DCAF6: variants seen among roughly 807,000 people sequenced by gnomAD.
DCAF6 encodes DDB1- and CUL4-associated factor 6.
A neutral mutation model predicts 125.1 loss-of-function variants in DCAF6; 54 were observed. The observed-to-expected ratio is 0.43, with a 90% CI of 0.35 to 0.54. The LOEUF is 0.54. Among genes scored for constraint, DCAF6 ranks in the 20% least tolerant of loss-of-function variants. The pLI is 0.01. For missense variants in DCAF6, 934 were observed against 1,161.7 expected, an observed-to-expected ratio of 0.80 and a Z score of 2.85; for synonymous variants, 371 against 390.4, an observed-to-expected ratio of 0.95 and a Z score of 0.58.
At chr1:167,946,945 T>A (rs1673173190) in intron 1 of DCAF6, among the ~76,000 whole-genome samples, 1 of 152,194 alleles carries the variant, frequency 6.6e-6, no homozygotes, top group Non-Finnish European at 1.5e-5. Context: ...TCAGGAGTAT[T>A]GATATTACTT....
the DCAF6 span, among the ~76,000 whole-genome samples, chr1:167,890,923 A>G: frequency 6.6e-6 from 1 of 152,116 alleles, no homozygotes. Flanking sequence ...TAGAATCCAA[A>G]TCTCCAGACT....
intron 1 of DCAF6, among the ~76,000 whole-genome samples, chr1:167,948,633 A>G (rs762006375): frequency 5.9e-5 from 9 of 152,128 alleles, no homozygotes; most frequent in Non-Finnish European, 1.3e-4. Flanking sequence ...TTGTCATTGA[A>G]ATACATTCAC....
chr1:167,916,761 TATGTC>T, the DCAF6 span: 1 of 152,178 alleles, frequency 6.6e-6, no homozygotes, highest in Non-Finnish European at 1.5e-5. Flanking sequence ...TTTTTGTGTC[TATGTC>T]ATATTTCATA....
At chr1:167,906,568 G>C in the DCAF6 span, among the ~76,000 whole-genome samples, 1 of 150,376 alleles carries the variant, frequency 6.6e-6, no homozygotes, top group Non-Finnish European at 1.5e-5. Flanking sequence ...CAGGAGTATT[G>C]CTTGAGCCCG....
At chr1:168,016,806 C>G (rs1685037834) in intron 11 of DCAF6, among the ~76,000 whole-genome samples, 1 of 152,000 alleles carries the variant, frequency 6.6e-6, no homozygotes, top group South Asian at 2.1e-4. Context: ...ACAAGAATGT[C>G]TAGGTTCTCA....
intron 18 of DCAF6, 23 bp downstream of exon 18, chr1:168,063,782 T>C: frequency 6.3e-7 from 1 of 1,591,634 alleles, no homozygotes; most frequent in Non-Finnish European, 8.5e-7. Flanking sequence ...CATGGCATTT[T>C]TTGGTGAAAT....
chr1:168,035,918 C>G (rs984621963), intron 12 of DCAF6, among the ~76,000 whole-genome samples: 2 of 151,914 alleles, frequency 1.3e-5, no homozygotes, highest in Non-Finnish European at 2.9e-5. Context: ...AAAAATTAGC[C>G]AAGTGTGGTG....
intron 2 of DCAF6, among the ~76,000 whole-genome samples, chr1:167,956,477 G>A (rs1388819940): frequency 1.3e-5 from 2 of 152,002 alleles, no homozygotes; most frequent in East Asian, 3.9e-4. Flanking sequence ...TTTGGCTAGA[G>A]GCTTGTTAAT....
At chr1:167,887,646 G>A in the DCAF6 span, among the ~76,000 whole-genome samples, 19 of 151,554 alleles carry the variant, frequency 1.3e-4, no homozygotes, top group Non-Finnish European at 1.8e-4. Context: ...TATACATAAC[G>A]TAACAAACCT....
the DCAF6 span, chr1:167,924,599 A>C: frequency 1.7e-6 from 2 of 1,193,568 alleles, no homozygotes; most frequent in African/African-American, 1.6e-5. Flanking sequence ...ACGTCTTTTA[A>C]CAGCTGTCAC....
At chr1:167,955,909 A>G (rs1674707550) in intron 2 of DCAF6, among the ~76,000 whole-genome samples, 1 of 152,092 alleles carries the variant, frequency 6.6e-6, no homozygotes, top group Non-Finnish European at 1.5e-5. Context: ...CCATAGGTGC[A>G]TGCCACCACC....
chr1:167,946,104 G>A (rs1673045751), intron 1 of DCAF6, among the ~76,000 whole-genome samples: 1 of 151,706 alleles, frequency 6.6e-6, no homozygotes, highest in Non-Finnish European at 1.5e-5. Context: ...TTACAGGCAT[G>A]TGCCACCACA....
Position 167,992,605 on chromosome 1 carries a change from T to C in DCAF6, c.689-621T>C, listed in dbSNP as rs1681015474. Among the ~76,000 whole-genome samples, 3 of 152,332 alleles carry C rather than the reference T, an allele frequency of 2.0e-5. No individual in the cohort carries two copies. In the South Asian group the frequency reaches 6.2e-4, roughly 32 times the overall value. On this transcript the variant is annotated intron_variant, in intron 6 of 21. Coordinates refer to ENST00000367840, the MANE Select transcript of DCAF6 (RefSeq NM_001198956.2). The stretch of plus-strand genomic sequence containing the variant: ...CATTTTGAGCATGATAAGACTTCAT[T>C]TTGCAAGGTTATACAGCTTTGTGGG...
intron 14 of DCAF6, among the ~76,000 whole-genome samples, chr1:168,043,600 T>C (rs1389304706): frequency 3.3e-5 from 5 of 152,198 alleles, no homozygotes. Flanking sequence ...AATATTTTTA[T>C]ATGACAATTA....
chr1:167,975,595 G>A (rs1249198109), intron 4 of DCAF6, among the ~76,000 whole-genome samples: 1 of 152,256 alleles, frequency 6.6e-6, no homozygotes, highest in East Asian at 1.9e-4. Flanking sequence ...ACTCACACTG[G>A]AGTGCAGTGG....
chr1:167,868,536 C>T, the DCAF6 span, among the ~76,000 whole-genome samples: 2 of 151,998 alleles, frequency 1.3e-5, no homozygotes, highest in Non-Finnish European at 1.5e-5. Flanking sequence ...CCGTTTAAGC[C>T]CACCCAGAAT....
the DCAF6 span, among the ~76,000 whole-genome samples, chr1:167,874,820 A>G: frequency 6.6e-6 from 1 of 152,222 alleles, no homozygotes; most frequent in Non-Finnish European, 1.5e-5. Context: ...AACAATATGG[A>G]TGAATTATAT....
At chr1:167,967,714 C>CTTTTTT (rs552208317) in intron 3 of DCAF6, among the ~76,000 whole-genome samples, 4 of 74,552 alleles carry the variant, frequency 5.4e-5, no homozygotes, top group Admixed American at 1.7e-4. Context: ...TTTCCTGTAT[C>CTTTTTT]TTTTTTTTTT....
At chr1:167,901,980 C>T in the DCAF6 span, 3 of 1,613,388 alleles carry the variant, frequency 1.9e-6, no homozygotes, top group South Asian at 1.1e-5. Flanking sequence ...CTCAGCACTC[C>T]TTTCTTACCC....
Sources: gnomAD v4.1 joint callset for allele counts (sites outside exome capture counted in the v4.1 genomes callset) on GRCh38, gnomAD v4.1.1 for gene constraint, MANE v1.5 for transcripts, NCBI Gene and HGNC (gene_info 2026-07-23, HGNC 2026-07-21) for gene names.